Variants in SLF1 observed in about 807,000 individuals in gnomAD.
SLF1 encodes SMC5/6 complex localization factor 1.
Under a neutral mutation model 123.0 loss-of-function variants are expected in SLF1, and 105 were observed. That is an observed-to-expected ratio of 0.85 (90% CI 0.73 to 1.00). SLF1 has a LOEUF of 1.00. Among genes scored for constraint, SLF1 ranks in the 50% least tolerant of loss-of-function variants. The pLI, the probability that SLF1 is intolerant of heterozygous loss-of-function variation, is 0.00. For missense variants in SLF1, 1,239 were observed against 1,223.0 expected (o/e 1.01, Z -0.20); for synonymous variants, 434 against 406.6 (o/e 1.07, Z -0.81).
chr5:94,665,143 G>T (rs1749591600), intron 11 of SLF1, among the ~76,000 whole-genome samples: 1 of 152,174 alleles, frequency 6.6e-6, no homozygotes. Context: ...TTTTACAGGT[G>T]AGGAAATTAA....
At chr5:94,625,865 ATTC>A (rs1792190925) in intron 1 of SLF1, among the ~76,000 whole-genome samples, 1 of 152,090 alleles carries the variant, frequency 6.6e-6, no homozygotes, top group Non-Finnish European at 1.5e-5. Flanking sequence ...ACAACAGCAT[ATTC>A]TTCATAGTTT....
chr5:94,692,285 G>T, intron 20 of SLF1, 29 bp downstream of exon 20: 1 of 1,592,650 alleles, frequency 6.3e-7, no homozygotes, highest in African/African-American at 1.3e-5. Flanking sequence ...AATGGGTTTT[G>T]ATAAATTATC....
intron 10 of SLF1, among the ~76,000 whole-genome samples, chr5:94,662,925 G>C (rs1749303804): frequency 6.6e-6 from 1 of 152,106 alleles, no homozygotes; most frequent in Non-Finnish European, 1.5e-5. Flanking sequence ...AGAATAGTTT[G>C]ACCAAGGGGA....
chr5:94,622,104 A>G (rs545764326), intron 1 of SLF1, among the ~76,000 whole-genome samples: 3 of 152,384 alleles, frequency 2.0e-5, no homozygotes, highest in South Asian at 2.1e-4. Flanking sequence ...TACACACAGT[A>G]TAAGTACTGT....
At chr5:94,619,511 C>T (rs1791446602) in intron 1 of SLF1, among the ~76,000 whole-genome samples, 1 of 152,122 alleles carries the variant, frequency 6.6e-6, no homozygotes, top group South Asian at 2.1e-4. Flanking sequence ...AAAATTGGTC[C>T]GTCTCGGGTA....
chr5:94,695,394 A>G lies in SLF1; in HGVS notation c.*82A>G, dbSNP rs1434428695. The G allele has an allele frequency of 7.2e-7, 1 of 1,380,902 alleles. No individual in the cohort carries two copies. Among genetic ancestry groups the G allele is most frequent in the East Asian group, 2.5e-5 (1 of 40,584 alleles). The allele number at this position is 1,380,902 out of a possible 1,614,324, so 85.5% of individuals were successfully genotyped here. The stretch of plus-strand genomic sequence containing the variant: ...ACTGTGGACTTCATAGCTTACTGAC[A>G]GATAGTAATTTGATTTATTTATTGA... On this transcript the variant is annotated 3_prime_UTR_variant, in exon 21 of 21. Coordinates refer to ENST00000265140, the MANE Select transcript of SLF1 (RefSeq NM_032290.4).
intron 12 of SLF1, among the ~76,000 whole-genome samples, chr5:94,666,953 CT>C (rs34215806): frequency 0.26 from 27,664 of 104,454 alleles, 3,212 homozygotes; most frequent in Non-Finnish European, 0.29. Flanking sequence ...CTGGGAAGAT[CT>C]TTTTTTTTTT....
At chr5:94,628,715 G>A (rs1744885359) in intron 1 of SLF1, 96 bp from the exon 2 acceptor site, 1 of 671,304 alleles carries the variant, frequency 1.5e-6, no homozygotes. Flanking sequence ...ATGTTTAATA[G>A]TTTATTTTTA....
rs763032409 is a variant in SLF1, at chr5:94,691,632, C to A, written c.2488C>A (p.Pro830Thr). 6.2e-7 allele frequency: 1 copy of A among 1,611,108 alleles called. No individual in the cohort carries two copies. The highest frequency in any genetic ancestry group is 8.5e-7 in the Non-Finnish European group (1 of 1,178,918). The change falls in exon 19 of 21, where the codon CCA becomes ACA. Residue 830 changes from proline to threonine, a missense_variant. By Grantham distance (38) the Pro-to-Thr change is conservative (BLOSUM62 -1). Transcript: ENST00000265140. Reference protein sequence around the residue: ...VEKLILLLSLPGIDINVKDNA... With the variant: ...VEKLILLLSLTGIDINVKDNA... ...GAAATTGATTCTTCTTCTCTCTTTGCCAGGAATAGACATCAATGTTAAAGG... is the reference window on the plus strand; with the variant it reads ...GAAATTGATTCTTCTTCTCTCTTTGACAGGAATAGACATCAATGTTAAAGG...
chr5:94,676,998 CAT>C (rs923428142), intron 14 of SLF1, among the ~76,000 whole-genome samples: 1 of 152,066 alleles, frequency 6.6e-6, no homozygotes, highest in Non-Finnish European at 1.5e-5. Flanking sequence ...TCACTAATCC[CAT>C]ATTAGGCATA....
In SLF1 at chr5:94,649,466, A is replaced by G. The variant is rs1335522670; in HGVS notation, c.607A>G (p.Asn203Asp). 2.0e-6 allele frequency: 3 copies of G among 1,495,994 alleles called. No homozygotes were observed. The highest frequency in any genetic ancestry group is 2.6e-5 in the South Asian group (2 of 77,012). 92.7% of individuals were successfully genotyped at this position (1,495,994 alleles called of 1,614,324 possible). ...TACATACATACAGAAAGAAATTCAG[A>G]ATGATGAAGATTCCCAAACCAATTC... Reference protein sequence around the residue: ...GDFLLEKEIQNDEDSQTNSVW... With the variant: ...GDFLLEKEIQDDEDSQTNSVW... The change falls in exon 6 of 21, where the codon AAT (asparagine) becomes GAT (aspartate). Residue 203 changes from asparagine (N) to aspartate (D), a missense_variant. Transcript: ENST00000265140.
At chr5:94,622,575 G>A (rs1791889643) in intron 1 of SLF1, among the ~76,000 whole-genome samples, 1 of 151,928 alleles carries the variant, frequency 6.6e-6, no homozygotes. Flanking sequence ...TGTTAACAAT[G>A]GTATTACAGG....
intron 1 of SLF1, among the ~76,000 whole-genome samples, chr5:94,623,899 T>C (rs913521218): frequency 2.0e-5 from 3 of 152,176 alleles, no homozygotes; most frequent in African/African-American, 4.8e-5. Context: ...TTCCTACATA[T>C]ATAGTTTTCC....
chr5:94,642,611 T>C (rs1746569898), intron 4 of SLF1, among the ~76,000 whole-genome samples: 1 of 152,206 alleles, frequency 6.6e-6, no homozygotes, highest in Admixed American at 6.5e-5. Flanking sequence ...GTAGATTATT[T>C]GGCTTTTTCT....
intron 15 of SLF1, among the ~76,000 whole-genome samples, chr5:94,686,102 G>A (rs963242157): frequency 6.6e-6 from 1 of 151,710 alleles, no homozygotes; most frequent in Admixed American, 6.6e-5. Context: ...AGATTCATGG[G>A]TGTTGTCATA....
intron 4 of SLF1, among the ~76,000 whole-genome samples, chr5:94,635,139 G>GT (rs1363187261): frequency 6.6e-6 from 1 of 151,870 alleles, no homozygotes; most frequent in Non-Finnish European, 1.5e-5. Context: ...TTTATCCCGT[G>GT]TTTTTTTCTA....
intron 16 of SLF1, among the ~76,000 whole-genome samples, chr5:94,687,423 A>T (rs568397773): frequency 5.9e-5 from 9 of 152,350 alleles, no homozygotes; most frequent in African/African-American, 2.2e-4. Flanking sequence ...AAGGCCGAGC[A>T]TGATGGCCCC....
chr5:94,670,417 A>C, intron 13 of SLF1, 138 bp downstream of exon 13: 1 of 811,896 alleles, frequency 1.2e-6, no homozygotes, highest in Non-Finnish European at 1.7e-6. Context: ...TTTTTAAAAC[A>C]TATTTCCAGA....
At chr5:94,644,341 C>T (rs1746775350) in intron 5 of SLF1, among the ~76,000 whole-genome samples, 1 of 152,074 alleles carries the variant, frequency 6.6e-6, no homozygotes, top group Admixed American at 6.6e-5. Flanking sequence ...AATCAAAATG[C>T]TCTTTCTAAA....
Sources: allele counts gnomAD v4.1 joint callset (sites outside exome capture counted in the v4.1 genomes callset), GRCh38; gene constraint gnomAD v4.1.1; transcripts MANE v1.5; gene names NCBI Gene and HGNC (gene_info 2026-07-23, HGNC 2026-07-21).